Variants in WNK2 observed in about 807,000 individuals in gnomAD.
WNK2 encodes the protein WNK lysine deficient protein kinase 2.
WNK2 carries 67 observed loss-of-function variants against 192.1 expected under a neutral mutation model. The ratio of observed to expected loss-of-function variants is 0.35; its 90% CI spans 0.29 to 0.43. The LOEUF (loss-of-function observed/expected upper bound fraction) is 0.43. Ranked by LOEUF, WNK2 falls within the 20% of genes least tolerant of loss-of-function variation. The pLI is 1.00. For synonymous variants in WNK2, 1,439 were observed against 1,393.9 expected (o/e 1.03, Z -0.72); for missense variants, 2,698 against 3,089.7 (o/e 0.87, Z 3.01).
intron 28 of WNK2, chr9:93,308,961 C>T (rs963552262): frequency 1.9e-6 from 2 of 1,076,452 alleles, no homozygotes; most frequent in African/African-American, 1.7e-5. Context: ...AGGCTGGAGA[C>T]CAGGGCAGGT....
intron 2 of WNK2, among the ~76,000 whole-genome samples, chr9:93,215,533 A>G (rs1835596194): frequency 1.3e-5 from 2 of 152,038 alleles, no homozygotes; most frequent in Non-Finnish European, 2.9e-5. Flanking sequence ...TTTCATATGC[A>G]TTTGTCCATG....
chr9:93,308,764 C>T (rs1210838776), intron 28 of WNK2, 180 bp downstream of exon 28: 20 of 1,412,588 alleles, frequency 1.4e-5, no homozygotes, highest in East Asian at 7.6e-5. Flanking sequence ...GGGAGGTGAG[C>T]GACGCACCCA....
At chr9:93,251,786 C>T (rs186710807) in intron 8 of WNK2, among the ~76,000 whole-genome samples, 1 of 152,256 alleles carries the variant, frequency 6.6e-6, no homozygotes, top group African/African-American at 2.4e-5. Context: ...TACACGTTCT[C>T]CCCTTCCTCC....
At chr9:93,278,132 G>C (rs1588391940) in intron 19 of WNK2, among the ~76,000 whole-genome samples, 1 of 152,228 alleles carries the variant, frequency 6.6e-6, no homozygotes, top group Non-Finnish European at 1.5e-5. Flanking sequence ...TCAGCCTACT[G>C]CCTTGAAAAA....
At chr9:93,220,739 A>G (rs1057401060) in intron 2 of WNK2, among the ~76,000 whole-genome samples, 1 of 152,028 alleles carries the variant, frequency 6.6e-6, no homozygotes, top group African/African-American at 2.4e-5. Context: ...GTCCCGGGAG[A>G]GGCTTTGTGG....
intron 19 of WNK2, among the ~76,000 whole-genome samples, chr9:93,286,467 A>G (rs976922670): frequency 6.6e-6 from 1 of 152,216 alleles, no homozygotes; most frequent in Admixed American, 6.5e-5. Context: ...ACACTGAGCT[A>G]TCACCTCACA....
chr9:93,256,676 G>A (rs752177473), intron 10 of WNK2: 6 of 662,458 alleles, frequency 9.1e-6, no homozygotes, highest in Admixed American at 6.4e-5. Context: ...CATAGTGTTC[G>A]CAGTGCCCTG....
At chr9:93,255,985 C>T (rs1052961466) in intron 9 of WNK2, among the ~76,000 whole-genome samples, 1 of 152,166 alleles carries the variant, frequency 6.6e-6, no homozygotes, top group African/African-American at 2.4e-5. Context: ...GTGAGCTTCC[C>T]CAGTTTAATG....
intron 2 of WNK2, among the ~76,000 whole-genome samples, chr9:93,210,769 G>GTCA (rs1274460174): frequency 6.6e-6 from 1 of 152,164 alleles, no homozygotes; most frequent in Non-Finnish European, 1.5e-5. Flanking sequence ...CACCATCATG[G>GTCA]TCATTTGTTC....
At chr9:93,237,356 T>G (rs886898536) in intron 5 of WNK2, among the ~76,000 whole-genome samples, 1 of 152,226 alleles carries the variant, frequency 6.6e-6, no homozygotes, top group Non-Finnish European at 1.5e-5. Context: ...ATGAGCAGAA[T>G]AGAGCCTCAG....
chr9:93,199,467 G>T lies in WNK2; in HGVS notation c.681+13857G>T, dbSNP rs1831924952. Among the ~76,000 whole-genome samples, 3 of 152,174 alleles carry T rather than the reference G, an allele frequency of 2.0e-5. No individual in the cohort carries two copies. In the South Asian group the frequency reaches 6.2e-4, roughly 32 times the overall value. On this transcript the variant is annotated intron_variant, in intron 2 of 29. Transcript: ENST00000427277. The stretch of plus-strand genomic sequence containing the variant: ...ATCTGGCCCTGTCCTGTGTCTTCAA[G>T]TTAGGCAACCATCTTCCTGGGTCAG...
At position 93,230,143 on chromosome 9, in the gene WNK2, C is replaced by T. The variant is rs532358641; in HGVS notation, c.854+275C>T. Among the ~76,000 whole-genome samples the T allele has an allele frequency of 1.0e-3, 155 of 152,030 alleles. 4 individuals carry two copies. The South Asian group carries it at 0.027, about 27-fold the overall frequency. On this transcript the variant is annotated intron_variant, in intron 3 of 29. Transcript: ENST00000427277. ...ACTCAGGCTCAGGACGCAGGCTGGG[C>T]GGGGTGCACAGTGGGGACTGTGGGA...
At chr9:93,309,198 C>T in intron 28 of WNK2, 1 of 920,672 alleles carries the variant, frequency 1.1e-6, no homozygotes, top group Non-Finnish European at 1.3e-6. Context: ...GTGAATCCAT[C>T]TGGGCTGGAG....
Position 93,261,808 on chromosome 9 carries a change from C to T in WNK2, c.3067-6C>T, listed in dbSNP as rs1432461243. 1 of 1,582,252 alleles carries T rather than the reference C, an allele frequency of 6.3e-7. No individual in the cohort carries two copies. The highest frequency in any genetic ancestry group is 2.2e-5 in the East Asian group (1 of 44,446). On this transcript the variant is annotated splice_polypyrimidine_tract_variant and splice_region_variant and intron_variant, in intron 12 of 29. Coordinates refer to ENST00000427277, the MANE Select transcript of WNK2 (RefSeq NM_006648.4). ...CTGACTTGCACCTTGTCCCCTGTGC[C>T]CCCAGATTCTGCTTGGCCACCCAGC...
intron 19 of WNK2, among the ~76,000 whole-genome samples, chr9:93,281,922 A>G (rs1847802121): frequency 6.6e-6 from 1 of 152,238 alleles, no homozygotes; most frequent in Admixed American, 6.5e-5. Context: ...TGAAGATGAA[A>G]TGAAGAGAAA....
intron 23 of WNK2, among the ~76,000 whole-genome samples, chr9:93,294,498 T>A (rs745329624): frequency 3.3e-5 from 5 of 152,136 alleles, no homozygotes; most frequent in Admixed American, 3.3e-4. Flanking sequence ...CTGGGCACAT[T>A]TGCTCAGCAG....
At chr9:93,298,364 C>A (rs1030022123) in intron 24 of WNK2, among the ~76,000 whole-genome samples, 1 of 152,244 alleles carries the variant, frequency 6.6e-6, no homozygotes, top group African/African-American at 2.4e-5. Flanking sequence ...CCTCCCTCAC[C>A]TGCTCCTCTG....
intron 5 of WNK2, 79 bp downstream of exon 5, chr9:93,235,044 C>A: frequency 6.5e-7 from 1 of 1,534,566 alleles, no homozygotes; most frequent in Non-Finnish European, 8.9e-7. Context: ...CTCCATGTGG[C>A]TCTGTAAAGC....
At chr9:93,206,776 C>T (rs968012870) in intron 2 of WNK2, among the ~76,000 whole-genome samples, 8 of 152,304 alleles carry the variant, frequency 5.3e-5, no homozygotes, top group African/African-American at 1.7e-4. Context: ...GAATCCAGGC[C>T]TAGAGTGACA....
Sources: gnomAD v4.1 joint callset for allele counts (sites outside exome capture counted in the v4.1 genomes callset) on GRCh38, gnomAD v4.1.1 for gene constraint, MANE v1.5 for transcripts, NCBI Gene and HGNC (gene_info 2026-07-23, HGNC 2026-07-21) for gene names.